YBX3: variants seen among roughly 807,000 people sequenced by gnomAD.
YBX3 encodes the protein Y-box-binding protein 3.
YBX3 carries 29 observed loss-of-function variants against 42.4 expected under a neutral mutation model. The ratio of observed to expected loss-of-function variants is 0.68; its 90% CI spans 0.51 to 0.93. YBX3 has a LOEUF of 0.93. Among genes scored for constraint, YBX3 ranks in the 40% least tolerant of loss-of-function variants. The pLI is 0.00. For synonymous variants in YBX3, 195 were observed against 189.8 expected, an observed-to-expected ratio of 1.03 and a Z score of -0.22; for missense variants, 517 against 527.5, an observed-to-expected ratio of 0.98 and a Z score of 0.19.
intron 4 of YBX3, 24 bp from the exon 5 acceptor site, chr12:10,713,357 C>G (rs1366790321): frequency 6.2e-7 from 1 of 1,608,354 alleles, no homozygotes; most frequent in Non-Finnish European, 8.5e-7. Context: ...AAAAAGATGG[C>G]CTCAAAATTA....
intron 6 of YBX3, among the ~76,000 whole-genome samples, chr12:10,707,118 A>T (rs1353228145): frequency 2.0e-5 from 3 of 152,098 alleles, no homozygotes; most frequent in Non-Finnish European, 2.9e-5. Flanking sequence ...CTGGGACCTG[A>T]TGGACTTGAT....
rs563105653 is a variant in YBX3, at chr12:10,714,479, A to T, written c.451-1146T>A. ...TTACAGACACGGAATTAAATATATA[A>T]CAGTATTAAAAACTTCTGTAGCTAG... is the stretch of plus-strand genomic sequence containing the variant. On this transcript the variant is annotated intron_variant, in intron 4 of 9. Transcript: ENST00000228251. 2.0e-5 allele frequency among the ~76,000 whole-genome samples: 3 copies of T among 152,334 alleles called. No individual in the cohort carries two copies. The Middle Eastern group carries it at 0.01, about 518-fold the overall frequency.
chr12:10,704,523 A>G (rs1948116244), intron 6 of YBX3: 1 of 158,056 alleles, frequency 6.3e-6, no homozygotes, highest in African/African-American at 2.4e-5. Context: ...TACAACTTCC[A>G]GGGGAAAGAA....
chr12:10,709,771 T>C (rs1365029663), intron 6 of YBX3, 137 bp downstream of exon 6: 1 of 1,075,840 alleles, frequency 9.3e-7, no homozygotes, highest in Non-Finnish European at 1.4e-6. Flanking sequence ...ACTGAAGGCC[T>C]TGCCTCAGCT....
chr12:10,701,925 A>G (rs773997903), intron 8 of YBX3, 35 bp downstream of exon 8: 21 of 1,583,306 alleles, frequency 1.3e-5, no homozygotes, highest in Non-Finnish European at 1.5e-5. Flanking sequence ...ATTAAAGACT[A>G]TCTGGCAACA....
intron 6 of YBX3, 90 bp downstream of exon 6, chr12:10,709,818 C>A (rs1237324721): frequency 2.0e-6 from 3 of 1,486,472 alleles, no homozygotes; most frequent in African/African-American, 1.4e-5. Context: ...AGGTTTCTGG[C>A]AGCTGATGTT....
Position 10,723,199 on chromosome 12 carries a change from G to A in YBX3, c.-88C>T. ...CTGGTGGTCGCGGCGGCCGGGGCTC[G>A]CTCTCGGGGAGGCCGGGGCGGATCT... On this transcript the variant is annotated 5_prime_UTR_variant, in exon 1 of 10. Coordinates refer to ENST00000228251, the MANE Select transcript of YBX3 (RefSeq NM_003651.5). 1 of 1,175,238 alleles carries A rather than the reference G, an allele frequency of 8.5e-7. No homozygotes were observed. The highest frequency in any genetic ancestry group is 1.1e-6 in the Non-Finnish European group (1 of 951,672). 72.8% of individuals were successfully genotyped at this position (1,175,238 alleles called of 1,614,324 possible). A position where few individuals can be genotyped will look rare whatever the true frequency, so the allele number is the denominator to read the frequency against.
intron 4 of YBX3, among the ~76,000 whole-genome samples, chr12:10,714,005 A>G (rs1555160353): frequency 6.6e-6 from 1 of 152,226 alleles, no homozygotes; most frequent in Non-Finnish European, 1.5e-5. Context: ...CACACCCTAC[A>G]TCACTTTGTA....
chr12:10,710,637 A>T (rs751477799), intron 5 of YBX3: 61 of 1,185,406 alleles, frequency 5.1e-5, no homozygotes, highest in Non-Finnish European at 6.5e-5. Flanking sequence ...CCATAATATT[A>T]CTAAGATGCT....
intron 1 of YBX3, among the ~76,000 whole-genome samples, chr12:10,721,402 A>G (rs1434902167): frequency 6.6e-6 from 1 of 152,252 alleles, no homozygotes; most frequent in Non-Finnish European, 1.5e-5. Flanking sequence ...TTTCTACAAA[A>G]TAAGGTATCA....
In YBX3 at chr12:10,710,078, T is replaced by C; in HGVS notation, c.610A>G (p.Ser204Gly). ...GEEEEEGSGS[S>G]EGFDPPATDR... ...GTGGCAGGGGGGTCAAATCCTTCACTGCTGCCGCTCCCTTCCTCCTCCTCC... is the reference window on the plus strand; with the variant it reads ...GTGGCAGGGGGGTCAAATCCTTCACCGCTGCCGCTCCCTTCCTCCTCCTCC... The change falls in exon 6 of 10, where the codon AGT becomes GGT. Residue 204 changes from serine (S) to glycine (G), a missense_variant. Ser to Gly is a moderately conservative substitution (Grantham distance 56, BLOSUM62 0). Around this residue, in one of 3 missense-constraint regions of YBX3, gnomAD observed 420 missense variants for 408.5 expected, o/e 1.03. Transcript: ENST00000228251. The C allele has an allele frequency of 6.2e-7, 1 of 1,614,006 alleles. No individual in the cohort carries two copies. The highest frequency in any genetic ancestry group is 2.2e-5 in the East Asian group (1 of 44,882).
In YBX3 at chr12:10,723,202, C is replaced by G; in HGVS notation, c.-91G>C. On this transcript the variant is annotated 5_prime_UTR_variant, in exon 1 of 10. Transcript: ENST00000228251. ...GTGGTCGCGGCGGCCGGGGCTCGCT[C>G]TCGGGGAGGCCGGGGCGGATCTCGC... The G allele has an allele frequency of 8.5e-7, 1 of 1,174,762 alleles. No individual in the cohort carries two copies. The highest frequency in any genetic ancestry group is 1.1e-6 in the Non-Finnish European group (1 of 951,518). 72.8% of individuals were successfully genotyped at this position (1,174,762 alleles called of 1,614,324 possible).
Position 10,710,014 on chromosome 12 carries a change from C to T in YBX3, c.674G>A (p.Arg225His), listed in dbSNP as rs146058214. 36 of 1,614,014 alleles carry T rather than the reference C, an allele frequency of 2.2e-5. No individual in the cohort carries two copies. The African/African-American group carries it at 2.8e-4, about 13-fold the overall frequency. ...CCGGTACTGAGGGCGATACTGGGGG[C>T]GGCGCAGCTGATTCCGGGCCCCAGA... ...QFSGARNQLR[R>H]PQYRPQYRQR... Residue 225 changes from arginine (R) to histidine (H), a missense_variant, in exon 6 of 10, where the codon CGC (arginine) becomes CAC (histidine). Physicochemically the swap from Arg to His is conservative, Grantham distance 29 (BLOSUM62 0). Transcript: ENST00000228251.
chr12:10,702,144 A>G lies in YBX3; in HGVS notation c.879-10T>C, dbSNP rs74806088. On this transcript the variant is annotated splice_polypyrimidine_tract_variant and intron_variant, in intron 7 of 9. Coordinates refer to ENST00000228251, the MANE Select transcript of YBX3 (RefSeq NM_003651.5). The stretch of plus-strand genomic sequence containing the variant: ...GCGAGGAGGTCCCCTGCTGTAGGGA[A>G]CACAGAAGAAAATAGAACAGGTGCC... The G allele has an allele frequency of 2.5e-3, 4,065 of 1,609,612 alleles. 101 individuals carry two copies. The African/African-American group carries it at 0.048, about 19-fold the overall frequency.
chr12:10,703,352 G>C (rs1948101606), intron 7 of YBX3: 1 of 158,066 alleles, frequency 6.3e-6, no homozygotes, highest in Non-Finnish European at 1.4e-5. Flanking sequence ...ATGCTTCAAA[G>C]GGATCTTATG....
chr12:10,716,524 T>C (rs985418682), intron 3 of YBX3, among the ~76,000 whole-genome samples: 1 of 152,226 alleles, frequency 6.6e-6, no homozygotes. Flanking sequence ...CACCTAAATA[T>C]CTGCTTATGA....
rs1288168170 is a variant in YBX3 at position 10,709,854 on chromosome 12, GAGA to G, written c.780+51_780+53del. 2.1e-5 allele frequency: 34 copies of G among 1,599,102 alleles called. No homozygotes were observed. The African/African-American group carries it at 2.9e-4, about 14-fold the overall frequency. ...GGAGGAGGAGGAGGAAGAGGAGGCA[GAGA>G]AGGACGGAAGGGTGAGGATTGCTGA... is the stretch of plus-strand genomic sequence containing the variant. On this transcript the variant is annotated intron_variant, in intron 6 of 9. Coordinates refer to ENST00000228251, the MANE Select transcript of YBX3 (RefSeq NM_003651.5).
chr12:10,718,000 C>T, intron 3 of YBX3, 88 bp downstream of exon 3: 1 of 1,105,082 alleles, frequency 9.0e-7, no homozygotes, highest in Admixed American at 2.3e-5. Flanking sequence ...AAATAATAAT[C>T]CATAGGACTT....
chr12:10,723,314 C>T lies in YBX3; in HGVS notation c.-203G>A. Reference sequence around the variant, plus strand: ...CGCGCTCTCTCTTGGGCTCCTCGCTCGATCTTACTGCCCCAAAAATGGCCC... The same window carrying T: ...CGCGCTCTCTCTTGGGCTCCTCGCTTGATCTTACTGCCCCAAAAATGGCCC... On this transcript the variant is annotated 5_prime_UTR_variant, in exon 1 of 10. Transcript: ENST00000228251. 1.2e-6 allele frequency: 1 copy of T among 845,602 alleles called. No individual in the cohort carries two copies. Among genetic ancestry groups the T allele is most frequent in the Non-Finnish European group, 1.5e-6 (1 of 657,052 alleles). The allele number at this position is 845,602 out of a possible 1,614,324, so 52.4% of individuals were successfully genotyped here. A position where few individuals can be genotyped will look rare whatever the true frequency, so the allele number is the denominator to read the frequency against.
Sources: allele counts gnomAD v4.1 joint callset (sites outside exome capture counted in the v4.1 genomes callset), GRCh38; gene constraint gnomAD v4.1.1; regional missense constraint gnomAD v4.1.1; transcripts MANE v1.5; gene names NCBI Gene and HGNC (gene_info 2026-07-23, HGNC 2026-07-21).